PCDHGA9: variants seen among roughly 807,000 people sequenced by gnomAD.
PCDHGA9 encodes protocadherin gamma subfamily A, 9.
PCDHGA9 carries 37 observed loss-of-function variants against 62.5 expected under a neutral mutation model. The ratio of observed to expected loss-of-function variants is 0.59; its 90% confidence interval spans 0.46 to 0.78. The LOEUF (loss-of-function observed/expected upper bound fraction) is 0.78. Among genes scored for constraint, PCDHGA9 ranks in the 30% least tolerant of loss-of-function variants. The pLI, the probability that PCDHGA9 is intolerant of heterozygous loss-of-function variation, is 0.00. For synonymous variants in PCDHGA9, 459 were observed against 484.6 expected, an observed-to-expected ratio of 0.95 and a Z score of 0.69; for missense variants, 1,138 against 1,166.2, an observed-to-expected ratio of 0.98 and a Z score of 0.35.
Position 141,511,015 on chromosome 5 carries a change from C to T in PCDHGA9, c.2641C>T (p.Pro881Ser), listed in dbSNP as rs1430257603. The T allele has an allele frequency of 1.2e-6, 2 of 1,614,106 alleles. No homozygotes were observed. The highest frequency in any genetic ancestry group is 1.3e-5 in the African/African-American group (1 of 74,936). The stretch of plus-strand genomic sequence containing the variant: ...CATGGGATTGAGCGCCCGCTACGGA[C>T]CCCAGTTCACCCTGCAGCACGTGCC... ...GTMGLSARYG[P>S]QFTLQHVPDY... Residue 881 changes from proline (P) to serine (S), a missense_variant, in exon 4 of 4, where the codon CCC (proline) becomes TCC (serine). Coordinates refer to ENST00000573521, the MANE Select transcript of PCDHGA9 (RefSeq NM_018921.3).
In PCDHGA9 at chr5:141,422,749, A is replaced by G. The variant is rs202046219; in HGVS notation, c.2424+17373A>G. Reference sequence around the variant, plus strand: ...GGTGCCTCTGTCCTCCTATGTCTCTATTAACTCCAACACTGGTGTTCTCTA... The same window carrying G: ...GGTGCCTCTGTCCTCCTATGTCTCTGTTAACTCCAACACTGGTGTTCTCTA... On this transcript the variant is annotated intron_variant, in intron 1 of 3. Coordinates refer to ENST00000573521, the MANE Select transcript of PCDHGA9 (RefSeq NM_018921.3). 269 of 1,611,644 alleles carry G rather than the reference A, an allele frequency of 1.7e-4. 1 individual carries two copies. The African/African-American group carries it at 3.3e-3, about 20-fold the overall frequency.
chr5:141,425,881 A>C (rs911454948), intron 1 of PCDHGA9, among the ~76,000 whole-genome samples: 1 of 152,230 alleles, frequency 6.6e-6, no homozygotes, highest in African/African-American at 2.4e-5. Context: ...TCTCTAAGGA[A>C]TCTTCTTTGG....
chr5:141,430,766 C>T, intron 1 of PCDHGA9: 1 of 1,504,534 alleles, frequency 6.6e-7, no homozygotes, highest in Non-Finnish European at 8.9e-7. Context: ...AAGAATGATT[C>T]CTGCGCGACT....
At position 141,403,491 on chromosome 5, in the gene PCDHGA9, T is replaced by A; in HGVS notation, c.539T>A (p.Leu180Gln). 1 of 1,614,010 alleles carries A rather than the reference T, an allele frequency of 6.2e-7. No individual in the cohort carries two copies. The highest frequency in any genetic ancestry group is 1.1e-5 in the South Asian group (1 of 91,080). ...CTCAGCCCCAATCACCACTTCTCCC[T>A]GAACGTGCAGACTGGAGACAATGGA... is the stretch of plus-strand genomic sequence containing the variant. ...YQLSPNHHFS[L>Q]NVQTGDNGAI... The change falls in exon 1 of 4, where the codon CTG (leucine) becomes CAG (glutamine). Residue 180 changes from leucine to glutamine, a missense_variant. Leu to Gln is a moderately radical substitution (Grantham distance 113). Transcript: ENST00000573521.
chr5:141,466,494 G>C (rs1186331329), intron 1 of PCDHGA9, among the ~76,000 whole-genome samples: 4 of 152,134 alleles, frequency 2.6e-5, no homozygotes. Context: ...TCTTTAATTA[G>C]AGCACAGACA....
At chr5:141,462,980 G>T (rs1249102130) in intron 1 of PCDHGA9, among the ~76,000 whole-genome samples, 1 of 152,006 alleles carries the variant, frequency 6.6e-6, no homozygotes, top group Non-Finnish European at 1.5e-5. Flanking sequence ...AGTAACTTTT[G>T]CCTTGGGCTA....
intron 2 of PCDHGA9, among the ~76,000 whole-genome samples, chr5:141,495,107 AC>A (rs1422274779): frequency 1.3e-5 from 2 of 152,048 alleles, no homozygotes; most frequent in Non-Finnish European, 2.9e-5. Context: ...CACGACCGGC[AC>A]CTTTTCCTAT....
chr5:141,465,501 C>T (rs1044567555), intron 1 of PCDHGA9, among the ~76,000 whole-genome samples: 1 of 152,164 alleles, frequency 6.6e-6, no homozygotes, highest in Non-Finnish European at 1.5e-5. Context: ...GGAGCATTGT[C>T]GTGGTCAGGA....
At chr5:141,497,703 C>T (rs995815060) in intron 2 of PCDHGA9, among the ~76,000 whole-genome samples, 16 of 152,134 alleles carry the variant, frequency 1.1e-4, no homozygotes, top group African/African-American at 3.9e-4. Context: ...CCACACCCAG[C>T]TCATTTTTGT....
intron 1 of PCDHGA9, among the ~76,000 whole-genome samples, chr5:141,461,711 C>A (rs897443905): frequency 1.3e-5 from 2 of 152,112 alleles, no homozygotes; most frequent in African/African-American, 2.4e-5. Flanking sequence ...ACTTTTTTTG[C>A]CCAGGCTGGA....
chr5:141,403,811 A>C lies in PCDHGA9; in HGVS notation c.859A>C (p.Lys287Gln). ...VAYKFWKINE[K>Q]QSLLFQLNEN... ...ATACAAATTCTGGAAAATTAATGAA[A>C]AACAATCTCTGCTATTCCAGCTTAA... Residue 287 changes from lysine to glutamine, a missense_variant, in exon 1 of 4, where the codon AAA (lysine) becomes CAA (glutamine). By Grantham distance (53) the Lys-to-Gln change is moderately conservative. Coordinates refer to ENST00000573521, the MANE Select transcript of PCDHGA9 (RefSeq NM_018921.3). 1 of 1,613,930 alleles carries C rather than the reference A, an allele frequency of 6.2e-7. No homozygotes were observed. Among genetic ancestry groups the C allele is most frequent in the Non-Finnish European group, 8.5e-7 (1 of 1,179,900 alleles).
chr5:141,483,786 C>T (rs2099587125), intron 1 of PCDHGA9, among the ~76,000 whole-genome samples: 1 of 152,136 alleles, frequency 6.6e-6, no homozygotes, highest in African/African-American at 2.4e-5. Context: ...AGGATAAGAA[C>T]TCCAGTTGTT....
chr5:141,460,467 AG>A (rs1303418429), intron 1 of PCDHGA9, among the ~76,000 whole-genome samples: 1 of 152,114 alleles, frequency 6.6e-6, no homozygotes, highest in African/African-American at 2.4e-5. Flanking sequence ...TTTTTTCCAA[AG>A]GAATATCCAA....
intron 1 of PCDHGA9, chr5:141,475,974 A>G: frequency 1.0e-6 from 1 of 975,714 alleles, no homozygotes; most frequent in Non-Finnish European, 1.5e-6. Flanking sequence ...GCAGAGACTG[A>G]ACAGCCGGCG....
chr5:141,511,265 A>G lies in PCDHGA9; in HGVS notation c.*92A>G. On this transcript the variant is annotated 3_prime_UTR_variant, in exon 4 of 4. Coordinates refer to ENST00000573521, the MANE Select transcript of PCDHGA9 (RefSeq NM_018921.3). ...ACCCAGGCCTCAGAGTTTCAGGGCT[A>G]ACCCCCAGAATACTGGTAGGGGCCA... The G allele has an allele frequency of 6.4e-7, 1 of 1,551,730 alleles. No individual in the cohort carries two copies. Among genetic ancestry groups the G allele is most frequent in the South Asian group, 1.2e-5 (1 of 83,132 alleles).
intron 1 of PCDHGA9, chr5:141,423,748 T>TG: frequency 7.2e-6 from 2 of 278,014 alleles, no homozygotes; most frequent in Admixed American, 4.2e-4. Flanking sequence ...ATGAAAACTG[T>TG]TTGGGGGGGG....
intron 1 of PCDHGA9, chr5:141,418,560 A>G (rs752240769): frequency 1.2e-6 from 2 of 1,614,034 alleles, no homozygotes; most frequent in Non-Finnish European, 1.7e-6. Context: ...CTGGTAATAG[A>G]TGCCAATGAC....
intron 2 of PCDHGA9, among the ~76,000 whole-genome samples, chr5:141,504,369 A>G (rs968327872): frequency 6.6e-5 from 10 of 152,272 alleles, no homozygotes; most frequent in Non-Finnish European, 1.2e-4. Context: ...AGTAGGAAGC[A>G]GGTGGAGTCG....
At position 141,403,831 on chromosome 5, in the gene PCDHGA9, G is replaced by T. The variant is rs1207086715; in HGVS notation, c.879G>T (p.Gln293His). 6.2e-7 allele frequency: 1 copy of T among 1,613,760 alleles called. No individual in the cohort carries two copies. Residue 293 changes from glutamine to histidine, a missense_variant, in exon 1 of 4, where the codon CAG (glutamine) becomes CAT (histidine). By Grantham distance (24) the Gln-to-His change is conservative. Coordinates refer to ENST00000573521, the MANE Select transcript of PCDHGA9 (RefSeq NM_018921.3). The part of the protein sequence containing the change: ...KINEKQSLLF[Q>H]LNENTGEIST... Reference sequence around the variant, plus strand: ...ATGAAAAACAATCTCTGCTATTCCAGCTTAATGAAAATACTGGGGAAATAT... The same window carrying T: ...ATGAAAAACAATCTCTGCTATTCCATCTTAATGAAAATACTGGGGAAATAT...
Sources: gnomAD v4.1 joint callset for allele counts (sites outside exome capture counted in the v4.1 genomes callset) on GRCh38, gnomAD v4.1.1 for gene constraint, MANE v1.5 for transcripts, NCBI Gene and HGNC (gene_info 2026-07-23, HGNC 2026-07-21) for gene names.